The following MACROD1 variants were observed in gnomAD, a reference collection of about 807,000 sequenced individuals.
The protein encoded by MACROD1 is mono-ADP ribosylhydrolase 1.
In MACROD1, 31 loss-of-function variants were observed where a neutral mutation model predicts 41.4. The ratio of observed to expected loss-of-function variants is 0.75; its 90% CI spans 0.56 to 1.01. MACROD1 has a LOEUF of 1.01. MACROD1 is among the 50% of genes least tolerant of loss of function. The pLI, the probability that MACROD1 is intolerant of heterozygous loss-of-function variation, is 0.00. For synonymous variants in MACROD1, 252 were observed against 203.4 expected, an observed-to-expected ratio of 1.24 and a Z score of -2.03; for missense variants, 473 against 460.0, an observed-to-expected ratio of 1.03 and a Z score of -0.26.
intron 4 of MACROD1, among the ~76,000 whole-genome samples, chr11:64,011,669 G>A (rs998404872): frequency 1.3e-5 from 2 of 152,024 alleles, no homozygotes; most frequent in African/African-American, 2.4e-5. Context: ...ACGAAGACAT[G>A]GAGCAGGGCA....
At chr11:64,081,796 G>A (rs1217322182) in intron 3 of MACROD1, 2 of 152,166 alleles carry the variant, frequency 1.3e-5, no homozygotes, top group South Asian at 2.1e-4. Flanking sequence ...ACTGCCTCCT[G>A]GAGCTGCCGG....
intron 4 of MACROD1, among the ~76,000 whole-genome samples, chr11:64,004,621 C>T (rs934769277): frequency 6.6e-6 from 1 of 152,094 alleles, no homozygotes; most frequent in Non-Finnish European, 1.5e-5. Flanking sequence ...TCCCCCATTC[C>T]CCCTACCATC....
chr11:63,999,594 T>C (rs747288432), intron 6 of MACROD1, 34 bp from the exon 7 acceptor site: 20 of 1,609,842 alleles, frequency 1.2e-5, no homozygotes, highest in Admixed American at 1.7e-5. Flanking sequence ...GGTTGGAACA[T>C]TGTCACTGCG....
chr11:64,117,437 G>A (rs148382868), intron 3 of MACROD1: 55 of 1,612,902 alleles, frequency 3.4e-5, no homozygotes, highest in African/African-American at 1.7e-4. Context: ...TGGCCAATGC[G>A]GCTGCCAAGA....
At chr11:64,137,830 A>T (rs902554707) in intron 3 of MACROD1, among the ~76,000 whole-genome samples, 5 of 152,200 alleles carry the variant, frequency 3.3e-5, no homozygotes, top group African/African-American at 1.2e-4. Context: ...CCAGGAGCAC[A>T]GTTCTTAGGA....
At chr11:64,065,343 G>A (rs753981327) in intron 3 of MACROD1, among the ~76,000 whole-genome samples, 14 of 152,168 alleles carry the variant, frequency 9.2e-5, no homozygotes, top group African/African-American at 2.2e-4. Flanking sequence ...TTCTGAGGGC[G>A]GCTGGGGCCT....
intron 3 of MACROD1, among the ~76,000 whole-genome samples, chr11:64,068,975 G>C (rs893775849): frequency 6.6e-6 from 1 of 152,238 alleles, no homozygotes; most frequent in Non-Finnish European, 1.5e-5. Flanking sequence ...ACATTATCTA[G>C]AGCTGCCTAT....
At chr11:64,008,312 C>G (rs1054757692) in intron 4 of MACROD1, among the ~76,000 whole-genome samples, 1 of 148,430 alleles carries the variant, frequency 6.7e-6, no homozygotes, top group Non-Finnish European at 1.5e-5. Flanking sequence ...CTCGGCTGGC[C>G]CCCAGGGTCC....
Position 64,152,580 on chromosome 11 carries a change from C to T in MACROD1, c.299-187G>A, listed in dbSNP as rs3751117. 0.039 allele frequency among the ~76,000 whole-genome samples: 5,875 copies of T among 152,296 alleles called. 729 individuals carry two copies. The East Asian group carries it at 0.48, about 12-fold the overall frequency. ...CCCCTAGAATATCTTGTCCTGCTCT[C>T]TTTGTTCAGGGAGGGAAACTGAGGT... On this transcript the variant is annotated intron_variant, in intron 1 of 10. Coordinates refer to ENST00000255681, the MANE Select transcript of MACROD1 (RefSeq NM_014067.4).
At chr11:64,156,362 G>T (rs1048278727) in intron 1 of MACROD1, among the ~76,000 whole-genome samples, 4 of 152,210 alleles carry the variant, frequency 2.6e-5, no homozygotes, top group African/African-American at 9.6e-5. Flanking sequence ...ATGCCACTGT[G>T]TGGGCACTCC....
chr11:64,119,527 T>A (rs1044868268), intron 3 of MACROD1, among the ~76,000 whole-genome samples: 2 of 151,904 alleles, frequency 1.3e-5, no homozygotes, highest in African/African-American at 4.8e-5. Flanking sequence ...ATTTTTTTTT[T>A]AAATATCAGC....
At chr11:64,086,089 C>T (rs536558683) in intron 3 of MACROD1, among the ~76,000 whole-genome samples, 21 of 152,262 alleles carry the variant, frequency 1.4e-4, no homozygotes, top group East Asian at 3.9e-4. Flanking sequence ...TGAGCTGAGT[C>T]GGCTGGGCCA....
At chr11:64,115,325 G>A (rs188981681) in intron 3 of MACROD1, among the ~76,000 whole-genome samples, 21 of 151,814 alleles carry the variant, frequency 1.4e-4, no homozygotes, top group African/African-American at 4.6e-4. Context: ...GAGTACAGAC[G>A]TGACTCCTCC....
chr11:64,160,894 C>T (rs966289857), intron 1 of MACROD1, among the ~76,000 whole-genome samples: 8 of 151,742 alleles, frequency 5.3e-5, no homozygotes, highest in Non-Finnish European at 1.2e-4. Flanking sequence ...GAGTGGGGGC[C>T]GGGATGGTGG....
chr11:64,151,183 G>C, intron 3 of MACROD1, 56 bp downstream of exon 3: 1 of 1,460,248 alleles, frequency 6.8e-7, no homozygotes, highest in Non-Finnish European at 9.5e-7. Context: ...GCACAGCAGA[G>C]CAGAGCAAAG....
intron 1 of MACROD1, among the ~76,000 whole-genome samples, chr11:64,153,967 C>T (rs990547561): frequency 6.6e-6 from 1 of 152,010 alleles, no homozygotes; most frequent in African/African-American, 2.4e-5. Context: ...CCCTCCTCTG[C>T]TGTCTCCACT....
intron 4 of MACROD1, chr11:64,001,586 T>C (rs765088969): frequency 2.8e-6 from 2 of 702,162 alleles, no homozygotes; most frequent in Non-Finnish European, 5.2e-6. Flanking sequence ...AACCTCATTC[T>C]GCAACTTTAC....
At chr11:64,153,558 T>C (rs1170774886) in intron 1 of MACROD1, among the ~76,000 whole-genome samples, 2 of 152,130 alleles carry the variant, frequency 1.3e-5, no homozygotes, top group African/African-American at 4.8e-5. Flanking sequence ...CACTTCATCA[T>C]CCAGGCCTCC....
At chr11:64,125,898 C>T (rs1337708174) in intron 3 of MACROD1, among the ~76,000 whole-genome samples, 1 of 152,226 alleles carries the variant, frequency 6.6e-6, no homozygotes, top group African/African-American at 2.4e-5. Flanking sequence ...TGGAGGAACT[C>T]ATCGGGCTTC....
Sources: gnomAD v4.1 joint callset for allele counts (sites outside exome capture counted in the v4.1 genomes callset) on GRCh38, gnomAD v4.1.1 for gene constraint, MANE v1.5 for transcripts, NCBI Gene and HGNC (gene_info 2026-07-23, HGNC 2026-07-21) for gene names.